BRINP1: variants seen among roughly 807,000 people sequenced by gnomAD.
BRINP1 encodes the protein BMP/retinoic acid inducible neural specific 1.
BRINP1 carries 17 observed loss-of-function variants against 72.9 expected under a neutral mutation model. The ratio of observed to expected loss-of-function variants is 0.23; its 90% CI spans 0.16 to 0.35. The LOEUF (loss-of-function observed/expected upper bound fraction) is 0.35. Among genes scored for constraint, BRINP1 ranks in the 10% least tolerant of loss-of-function variants. The pLI is 1.00. For missense variants in BRINP1, 850 were observed against 1,001.6 expected (o/e 0.85, Z 2.04); for synonymous variants, 418 against 378.5 (o/e 1.10, Z -1.21).
intron 2 of BRINP1, among the ~76,000 whole-genome samples, chr9:119,305,610 A>C (rs1434913113): frequency 1.3e-5 from 2 of 152,084 alleles, no homozygotes; most frequent in African/African-American, 4.8e-5. Flanking sequence ...TCCTCCTTGA[A>C]GCCTATGTTC....
intron 1 of BRINP1, among the ~76,000 whole-genome samples, chr9:119,314,639 T>C (rs1409076711): frequency 6.6e-6 from 1 of 152,206 alleles, no homozygotes; most frequent in Non-Finnish European, 1.5e-5. Flanking sequence ...CTCGCTTAAC[T>C]GTATGTGACC....
intron 7 of BRINP1, among the ~76,000 whole-genome samples, chr9:119,201,527 C>T (rs1325359536): frequency 6.6e-6 from 1 of 152,138 alleles, no homozygotes; most frequent in East Asian, 1.9e-4. Context: ...GAGCTGCTCT[C>T]GTTTAAGGTG....
In BRINP1 at chr9:119,194,200, C is replaced by T. The variant is rs553931325; in HGVS notation, c.1145+14519G>A. On this transcript the variant is annotated intron_variant, in intron 7 of 7. Coordinates refer to ENST00000265922, the MANE Select transcript of BRINP1 (RefSeq NM_014618.3). ...GCAACTTCCAGCATGAATTACTGAT[C>T]CACAAATCAGGAACATAATATAATA... Among the ~76,000 whole-genome samples the T allele has an allele frequency of 4.6e-5, 7 of 152,286 alleles. No individual in the cohort carries two copies. The South Asian group carries it at 1.2e-3, about 27-fold the overall frequency.
intron 2 of BRINP1, among the ~76,000 whole-genome samples, chr9:119,249,823 G>GAAGC (rs1485723147): frequency 1.5e-4 from 7 of 45,420 alleles, no homozygotes; most frequent in African/African-American, 7.0e-4. Context: ...AGGAAGGAAG[G>GAAGC]AAGGAAGGAA....
At chr9:119,246,368 G>A (rs1207013548) in intron 3 of BRINP1, among the ~76,000 whole-genome samples, 4 of 152,172 alleles carry the variant, frequency 2.6e-5, no homozygotes, top group African/African-American at 7.2e-5. Flanking sequence ...AAAGCAGGCA[G>A]AATGTGAAAA....
chr9:119,224,362 C>G (rs1184221391), intron 5 of BRINP1, among the ~76,000 whole-genome samples: 1 of 152,006 alleles, frequency 6.6e-6, no homozygotes, highest in Non-Finnish European at 1.5e-5. Flanking sequence ...TTGTATGCCA[C>G]AGAATCACAA....
At chr9:119,251,286 C>T (rs2118923772) in intron 2 of BRINP1, among the ~76,000 whole-genome samples, 1 of 152,298 alleles carries the variant, frequency 6.6e-6, no homozygotes, top group South Asian at 2.1e-4. Context: ...CCTTAAGAAG[C>T]TCACAGTCTG....
At chr9:119,215,232 T>A (rs1402453618) in intron 5 of BRINP1, among the ~76,000 whole-genome samples, 1 of 152,194 alleles carries the variant, frequency 6.6e-6, no homozygotes, top group South Asian at 2.1e-4. Flanking sequence ...CATCTCATGA[T>A]CCTCTCTTTA....
At chr9:119,367,241 T>TAC (rs1554757538) in intron 1 of BRINP1, among the ~76,000 whole-genome samples, 1 of 143,358 alleles carries the variant, frequency 7.0e-6, no homozygotes, top group Non-Finnish European at 1.5e-5. Context: ...TATATATATA[T>TAC]ATCTTCCTAG....
rs780863857 is a variant in BRINP1 at position 119,249,065 on chromosome 9, G to T, written c.304C>A (p.Gln102Lys). The change falls in exon 3 of 8, where the codon CAA (glutamine) becomes AAA (lysine). Residue 102 changes from glutamine (Q) to lysine (K), a missense_variant. Gln to Lys is a moderately conservative substitution (Grantham distance 53). Coordinates refer to ENST00000265922, the MANE Select transcript of BRINP1 (RefSeq NM_014618.3). ...CTGCCAAGCAGGCGGATGCTCCTTTGAAACTCCGGCATGAGGGGCACTGGA... is the reference window on the plus strand; with the variant it reads ...CTGCCAAGCAGGCGGATGCTCCTTTTAAACTCCGGCATGAGGGGCACTGGA... ...RHPVPLMPEF[Q>K]RSIRLLGRRP... 1.2e-6 allele frequency: 2 copies of T among 1,614,100 alleles called. No homozygotes were observed. The highest frequency in any genetic ancestry group is 1.7e-6 in the Non-Finnish European group (2 of 1,179,998).
At chr9:119,278,385 T>C (rs1329523308) in intron 2 of BRINP1, among the ~76,000 whole-genome samples, 1 of 152,194 alleles carries the variant, frequency 6.6e-6, no homozygotes, top group Admixed American at 6.5e-5. Context: ...TGCTGACTGA[T>C]TGTTGGCTAA....
intron 7 of BRINP1, among the ~76,000 whole-genome samples, chr9:119,179,029 T>C (rs1829523274): frequency 6.6e-6 from 1 of 152,124 alleles, no homozygotes; most frequent in Non-Finnish European, 1.5e-5. Context: ...CATAGGGGGA[T>C]GCTGGGGATC....
At chr9:119,295,198 G>A (rs1055312507) in intron 2 of BRINP1, among the ~76,000 whole-genome samples, 3 of 151,620 alleles carry the variant, frequency 2.0e-5, no homozygotes, top group Non-Finnish European at 2.9e-5. Context: ...ACTGGGTTAT[G>A]AGACTGGCTA....
chr9:119,172,100 A>G (rs1407910758), intron 7 of BRINP1, among the ~76,000 whole-genome samples: 1 of 149,674 alleles, frequency 6.7e-6, no homozygotes, highest in Non-Finnish European at 1.5e-5. Context: ...AACACATTCA[A>G]AAGCTAGCAG....
chr9:119,235,109 G>A (rs1588172695), intron 5 of BRINP1, among the ~76,000 whole-genome samples: 1 of 152,030 alleles, frequency 6.6e-6, no homozygotes, highest in Non-Finnish European at 1.5e-5. Flanking sequence ...CTTGAGTTCT[G>A]TAGTAGCCCC....
At chr9:119,212,149 A>G (rs1374580973) in intron 6 of BRINP1, among the ~76,000 whole-genome samples, 2 of 152,118 alleles carry the variant, frequency 1.3e-5, no homozygotes, top group Non-Finnish European at 2.9e-5. Context: ...TTTTCAGTGG[A>G]CTAATGGGTG....
intron 7 of BRINP1, among the ~76,000 whole-genome samples, chr9:119,199,800 C>CTTTTTT (rs11375044): frequency 3.4e-5 from 5 of 145,876 alleles, no homozygotes; most frequent in Non-Finnish European, 3.0e-5. Flanking sequence ...TCTTGTTCTT[C>CTTTTTT]TTTTTTTTTT....
intron 2 of BRINP1, among the ~76,000 whole-genome samples, chr9:119,255,724 C>T (rs1430972535): frequency 2.6e-5 from 4 of 152,006 alleles, no homozygotes; most frequent in Middle Eastern, 3.4e-3. Context: ...GAGGTCAAGG[C>T]GGGCAGATCG....
intron 1 of BRINP1, among the ~76,000 whole-genome samples, chr9:119,355,686 A>G (rs369284654): frequency 3.9e-4 from 58 of 149,120 alleles, no homozygotes; most frequent in Middle Eastern, 3.5e-3. Flanking sequence ...CTGAGATCGC[A>G]CCACTGCACT....
Sources: allele counts gnomAD v4.1 joint callset (sites outside exome capture counted in the v4.1 genomes callset), GRCh38; gene constraint gnomAD v4.1.1; transcripts MANE v1.5; gene names NCBI Gene and HGNC (gene_info 2026-07-23, HGNC 2026-07-21).